The following NTRK3 variants were observed in gnomAD, a reference collection of about 807,000 sequenced individuals.
NTRK3 encodes neurotrophic receptor tyrosine kinase 3.
In NTRK3, 24 loss-of-function variants were observed where a neutral mutation model predicts 91.7. The observed-to-expected ratio is 0.26, with a 90% confidence interval of 0.19 to 0.37. The LOEUF is 0.37. Ranked by LOEUF, NTRK3 falls within the 10% of genes least tolerant of loss-of-function variation. The probability of loss-of-function intolerance (pLI) is 1.00; values close to 1 mark genes in which losing one functional copy is unlikely to be tolerated. For synonymous variants in NTRK3, 483 were observed against 404.0 expected, an observed-to-expected ratio of 1.20 and a Z score of -2.34; for missense variants, 880 against 1,068.9, an observed-to-expected ratio of 0.82 and a Z score of 2.46.
chr15:88,089,909 T>C (rs1161706679), intron 13 of NTRK3, among the ~76,000 whole-genome samples: 3 of 152,182 alleles, frequency 2.0e-5, no homozygotes, highest in Admixed American at 6.5e-5. Flanking sequence ...GAAGACCCTA[T>C]GTGGCCTGGC....
At chr15:88,057,387 A>G (rs540358809) in intron 13 of NTRK3, among the ~76,000 whole-genome samples, 16 of 151,384 alleles carry the variant, frequency 1.1e-4, no homozygotes, top group Non-Finnish European at 2.1e-4. Context: ...AATCCCAGCT[A>G]CTCAGGAGGC....
At position 88,255,966 on chromosome 15, in the gene NTRK3, C is replaced by A. The variant is rs1489483779; in HGVS notation, c.188G>T (p.Gly63Val). Residue 63 changes from glycine (G) to valine (V), a missense_variant, in exon 3 of 19, where the codon GGG becomes GTG. Coordinates refer to ENST00000394480, the Ensembl canonical transcript of NTRK3. This position sits in a 1 kb window ranked among gnomAD's most constrained non-coding sequence, Gnocchi z 4.3. ...GATACTGGCGTTCCCATTGCTGTTC[C>A]CTGAATCCTGCCCTTCCAGGAGGGG... 1 of 1,613,514 alleles carries A rather than the reference C, an allele frequency of 6.2e-7. No homozygotes were observed. Among genetic ancestry groups the A allele is most frequent in the Non-Finnish European group, 8.5e-7 (1 of 1,179,730 alleles).
chr15:88,002,690 C>CA (rs561471888), intron 14 of NTRK3, among the ~76,000 whole-genome samples: 4,156 of 85,150 alleles, frequency 0.049, 148 homozygotes, highest in African/African-American at 0.09. Context: ...AGAAGCTATG[C>CA]AAAAAAAAAA....
chr15:87,995,891 A>G (rs74411938), intron 14 of NTRK3, among the ~76,000 whole-genome samples: 4 of 152,376 alleles, frequency 2.6e-5, no homozygotes, highest in African/African-American at 9.6e-5. Context: ...TTTGAATTTC[A>G]TATAATTTTC....
chr15:88,066,789 T>C (rs532386526), intron 13 of NTRK3, among the ~76,000 whole-genome samples: 1 of 152,246 alleles, frequency 6.6e-6, no homozygotes, highest in South Asian at 2.1e-4. Context: ...TCTGTGGTTC[T>C]TACATTGGGC....
At chr15:88,083,235 AG>A (rs1464161187) in intron 13 of NTRK3, among the ~76,000 whole-genome samples, 1 of 151,724 alleles carries the variant, frequency 6.6e-6, no homozygotes, top group Non-Finnish European at 1.5e-5. Context: ...CTTTTTTGGG[AG>A]GGAGACAGAG....
intron 16 of NTRK3, among the ~76,000 whole-genome samples, chr15:87,932,243 CA>C (rs961717730): frequency 3.9e-5 from 6 of 152,174 alleles, no homozygotes; most frequent in African/African-American, 1.4e-4. Flanking sequence ...ACCCTTCTTA[CA>C]ACAAATCCTT....
intron 15 of NTRK3, among the ~76,000 whole-genome samples, chr15:87,939,911 TAG>T (rs2069655746): frequency 6.6e-6 from 1 of 152,232 alleles, no homozygotes; most frequent in Admixed American, 6.5e-5. Context: ...CAACTAGTAG[TAG>T]CAAAGTCCCT....
chr15:88,220,334 C>T (rs1282201730), intron 3 of NTRK3, among the ~76,000 whole-genome samples: 6 of 152,050 alleles, frequency 3.9e-5, no homozygotes, highest in Non-Finnish European at 8.8e-5. Context: ...CCTAGCCTCT[C>T]CTACTCAGAA....
chr15:88,055,334 C>T (rs2045586693), intron 13 of NTRK3, among the ~76,000 whole-genome samples: 1 of 152,200 alleles, frequency 6.6e-6, no homozygotes, highest in South Asian at 2.1e-4. Flanking sequence ...CAAACAGTGC[C>T]ACTGGTGAAT....
intron 13 of NTRK3, among the ~76,000 whole-genome samples, chr15:88,054,456 C>T (rs1384359356): frequency 6.6e-6 from 1 of 152,086 alleles, no homozygotes; most frequent in Non-Finnish European, 1.5e-5. Context: ...TCTTGGGTGC[C>T]CTACCAGATG....
chr15:87,939,899 G>A (rs1783638321), intron 15 of NTRK3, among the ~76,000 whole-genome samples: 1 of 152,196 alleles, frequency 6.6e-6, no homozygotes, highest in Admixed American at 6.5e-5. Flanking sequence ...AGTCTGGAAG[G>A]ACAACTAGTA....
intron 13 of NTRK3, among the ~76,000 whole-genome samples, chr15:88,056,774 C>T (rs1019680999): frequency 4.6e-5 from 7 of 152,158 alleles, no homozygotes; most frequent in African/African-American, 1.7e-4. Context: ...CACAGAGAGT[C>T]GACAACATGT....
chr15:88,020,049 C>T (rs2077497803), intron 14 of NTRK3, among the ~76,000 whole-genome samples: 1 of 152,188 alleles, frequency 6.6e-6, no homozygotes, highest in Non-Finnish European at 1.5e-5. Flanking sequence ...GTCAAATAAG[C>T]AGACAGACAT....
At chr15:88,000,722 A>G (rs2076044522) in intron 14 of NTRK3, among the ~76,000 whole-genome samples, 1 of 152,214 alleles carries the variant, frequency 6.6e-6, no homozygotes, top group Non-Finnish European at 1.5e-5. Context: ...ATAATATTCC[A>G]TGGATATATT....
chr15:87,910,907 A>G (rs570532678), intron 17 of NTRK3, among the ~76,000 whole-genome samples: 1 of 152,200 alleles, frequency 6.6e-6, no homozygotes, highest in Non-Finnish European at 1.5e-5. Context: ...GTCGTGAGAG[A>G]TAATTAGTGA....
At chr15:88,107,254 G>A (rs893889263) in intron 13 of NTRK3, among the ~76,000 whole-genome samples, 1 of 151,986 alleles carries the variant, frequency 6.6e-6, no homozygotes, top group Non-Finnish European at 1.5e-5. Flanking sequence ...ACCAGGCTGG[G>A]CAACATGGCA....
At chr15:88,174,477 T>C (rs6496466) in intron 5 of NTRK3, among the ~76,000 whole-genome samples, 34,429 of 152,032 alleles carry the variant, frequency 0.23, 4,118 homozygotes, top group Middle Eastern at 0.31. Flanking sequence ...CCACTGCATA[T>C]AGTCCTGACT....
At chr15:88,151,919 A>C (rs374206462) in intron 5 of NTRK3, among the ~76,000 whole-genome samples, 1 of 151,700 alleles carries the variant, frequency 6.6e-6, no homozygotes, top group East Asian at 1.9e-4. Flanking sequence ...CTGGATGCTC[A>C]CTCCACCTCC....
Sources: allele counts gnomAD v4.1 joint callset (sites outside exome capture counted in the v4.1 genomes callset), GRCh38; gene constraint gnomAD v4.1.1; non-coding constraint Gnocchi (gnomAD v3.1); transcripts MANE v1.5; gene names NCBI Gene and HGNC (gene_info 2026-07-23, HGNC 2026-07-21).